Variants in NCOA2 observed in about 807,000 individuals in gnomAD.
NCOA2 encodes class E basic helix-loop-helix protein 75.
NCOA2 carries 21 observed loss-of-function variants against 145.1 expected under a neutral mutation model. That is an observed-to-expected ratio of 0.14 (90% confidence interval 0.10 to 0.21). The LOEUF (loss-of-function observed/expected upper bound fraction) is 0.21, where lower values mean the gene tolerates loss of function less well. Among genes scored for constraint, NCOA2 ranks in the 10% least tolerant of loss-of-function variants. The pLI, the probability that NCOA2 is intolerant of heterozygous loss-of-function variation, is 1.00. For synonymous variants in NCOA2, 619 were observed against 637.5 expected (o/e 0.97, Z 0.44); for missense variants, 1,472 against 1,837.6 (o/e 0.80, Z 3.64).
intron 2 of NCOA2, among the ~76,000 whole-genome samples, chr8:70,264,168 C>T (rs1288203294): frequency 2.0e-5 from 3 of 151,440 alleles, no homozygotes; most frequent in African/African-American, 4.9e-5. Context: ...GCCGAGATCA[C>T]GCCATTGCAC....
At chr8:70,233,339 A>G (rs976063296) in intron 2 of NCOA2, among the ~76,000 whole-genome samples, 1 of 152,256 alleles carries the variant, frequency 6.6e-6, no homozygotes, top group Admixed American at 6.5e-5. Context: ...ATGTATGAAT[A>G]TTCACACTAA....
chr8:70,345,335 T>TAG (rs1808513775), intron 1 of NCOA2, among the ~76,000 whole-genome samples: 1 of 152,190 alleles, frequency 6.6e-6, no homozygotes, highest in Non-Finnish European at 1.5e-5. Flanking sequence ...CAGATAAAAG[T>TAG]TCAAAGCATT....
chr8:70,168,530 A>G (rs1813882483), intron 6 of NCOA2, among the ~76,000 whole-genome samples: 1 of 152,156 alleles, frequency 6.6e-6, no homozygotes, highest in Non-Finnish European at 1.5e-5. Flanking sequence ...CATGTTGGCC[A>G]GGCTGGTCTT....
intron 1 of NCOA2, among the ~76,000 whole-genome samples, chr8:70,346,970 T>C (rs975543953): frequency 6.6e-6 from 1 of 152,228 alleles, no homozygotes; most frequent in Non-Finnish European, 1.5e-5. Flanking sequence ...ATCATCAATG[T>C]AAAATATAAT....
At chr8:70,205,342 CAAGT>C (rs1291092706) in intron 4 of NCOA2, among the ~76,000 whole-genome samples, 1 of 152,044 alleles carries the variant, frequency 6.6e-6, no homozygotes, top group Non-Finnish European at 1.5e-5. Flanking sequence ...TGAAAAAGCA[CAAGT>C]ATGTGAAGTA....
rs758346814 is a variant in NCOA2 at position 70,141,146 on chromosome 8, A to C, written c.3028+38T>G. The C allele has an allele frequency of 1.9e-6, 3 of 1,575,288 alleles. No individual in the cohort carries two copies. The East Asian group carries it at 6.8e-5, about 36-fold the overall frequency. ...ATGACGCTCTCTTTTCTAAGAGAGC[A>C]TAAAAGTTAAAAGCAAACAGCACTA... On this transcript the variant is annotated intron_variant, in intron 14 of 22. Coordinates refer to ENST00000452400, the MANE Select transcript of NCOA2 (RefSeq NM_006540.4).
At chr8:70,246,967 TAC>T (rs1822683735) in intron 2 of NCOA2, among the ~76,000 whole-genome samples, 1 of 152,172 alleles carries the variant, frequency 6.6e-6, no homozygotes, top group African/African-American at 2.4e-5. Context: ...CAAGAATTAT[TAC>T]AGATACCAGA....
chr8:70,245,192 T>C (rs550523331), intron 2 of NCOA2: 1 of 152,258 alleles, frequency 6.6e-6, no homozygotes, highest in East Asian at 1.9e-4. Context: ...TACATCTTGA[T>C]GTAAACCTAA....
At chr8:70,220,198 C>T (rs756071602) in intron 2 of NCOA2, among the ~76,000 whole-genome samples, 1 of 152,082 alleles carries the variant, frequency 6.6e-6, no homozygotes. Context: ...ATTTGGTGAC[C>T]AGCTCTAAAT....
intron 4 of NCOA2, among the ~76,000 whole-genome samples, chr8:70,189,484 T>C (rs3812429): frequency 0.16 from 24,583 of 152,140 alleles, 2,173 homozygotes; most frequent in East Asian, 0.29. Context: ...TGCTGACCCA[T>C]GTAGACACCA....
At chr8:70,273,735 C>T in intron 2 of NCOA2, 1 of 614,612 alleles carries the variant, frequency 1.6e-6, no homozygotes, top group Non-Finnish European at 3.1e-6. Flanking sequence ...ACTGTCCAAA[C>T]AATCTGTGGG....
chr8:70,129,533 T>G (rs147393460), intron 16 of NCOA2, among the ~76,000 whole-genome samples: 1 of 152,296 alleles, frequency 6.6e-6, no homozygotes, highest in Non-Finnish European at 1.5e-5. Flanking sequence ...AGTTTGTGAT[T>G]TGGGATCTGA....
intron 2 of NCOA2, among the ~76,000 whole-genome samples, chr8:70,280,816 T>C (rs554305653): frequency 1.6e-4 from 25 of 152,248 alleles, no homozygotes; most frequent in Admixed American, 9.8e-4. Flanking sequence ...AAATCCATTC[T>C]ACCCCTTACT....
chr8:70,220,846 C>T (rs985413773), intron 2 of NCOA2, among the ~76,000 whole-genome samples: 1 of 152,116 alleles, frequency 6.6e-6, no homozygotes, highest in East Asian at 1.9e-4. Context: ...GTAAAACTGC[C>T]AGATGCATTA....
At chr8:70,351,831 C>A (rs901902209) in intron 1 of NCOA2, among the ~76,000 whole-genome samples, 1 of 151,086 alleles carries the variant, frequency 6.6e-6, no homozygotes, top group Non-Finnish European at 1.5e-5. Context: ...CTGGCTCAAG[C>A]CTCATCCTCC....
chr8:70,174,820 GA>G lies in NCOA2; in HGVS notation c.298del (p.Ser100GlnfsTer19). On this transcript the variant is annotated frameshift_variant, in exon 5 of 23. Transcript: ENST00000452400. LOFTEE classifies it high-confidence loss of function. ...AAANIDEVQKSDVSSTGQGVI... is the reference protein window; with the variant it reads ...AAANIDEVQKXDVSSTGQGVI... ...ACCCTGCCCTGTAGAGGATACATCT[GA>G]CTTCTGCACTTCATCTATGTTGGCA... The G allele has an allele frequency of 6.2e-7, 1 of 1,613,686 alleles. No homozygotes were observed. Among genetic ancestry groups the G allele is most frequent in the Non-Finnish European group, 8.5e-7 (1 of 1,179,702 alleles).
chr8:70,303,459 A>G (rs949213274), intron 1 of NCOA2, among the ~76,000 whole-genome samples: 2 of 152,206 alleles, frequency 1.3e-5, no homozygotes, highest in East Asian at 3.9e-4. Context: ...TGATGTGGCA[A>G]TCAGAAATTA....
intron 2 of NCOA2, among the ~76,000 whole-genome samples, chr8:70,231,936 A>G (rs1269277253): frequency 6.6e-6 from 1 of 152,154 alleles, no homozygotes; most frequent in African/African-American, 2.4e-5. Context: ...CTCTAGCTCA[A>G]ATCTGGTCAT....
At chr8:70,232,544 A>G (rs1256390837) in intron 2 of NCOA2, among the ~76,000 whole-genome samples, 1 of 152,144 alleles carries the variant, frequency 6.6e-6, no homozygotes, top group African/African-American at 2.4e-5. Flanking sequence ...TTAGAAAGAT[A>G]GCCAACTCCA....
Sources: allele counts gnomAD v4.1 joint callset (sites outside exome capture counted in the v4.1 genomes callset), GRCh38; gene constraint gnomAD v4.1.1; transcripts MANE v1.5; gene names NCBI Gene and HGNC (gene_info 2026-07-23, HGNC 2026-07-21).